GNB4: variants seen among roughly 807,000 people sequenced by gnomAD.
The protein encoded by GNB4 is guanine nucleotide-binding protein subunit beta-4.
GNB4 carries 28 observed loss-of-function variants against 45.2 expected under a neutral mutation model. The ratio of observed to expected loss-of-function variants is 0.62; its 90% CI spans 0.46 to 0.85. The LOEUF (loss-of-function observed/expected upper bound fraction) is 0.85. Ranked by LOEUF, GNB4 falls within the 40% of genes least tolerant of loss-of-function variation. GNB4 has a pLI of 0.00. For missense variants in GNB4, 321 were observed against 425.4 expected, an observed-to-expected ratio of 0.75 and a Z score of 2.16; for synonymous variants, 132 against 143.7, an observed-to-expected ratio of 0.92 and a Z score of 0.58.
chr3:179,439,423 C>T (rs1715542024), intron 1 of GNB4, among the ~76,000 whole-genome samples: 1 of 152,154 alleles, frequency 6.6e-6, no homozygotes, highest in Admixed American at 6.6e-5. Context: ...TCATGCAAAC[C>T]TGCCTCCCAT....
At chr3:179,458,083 T>C in the GNB4 span, among the ~76,000 whole-genome samples, 2 of 152,164 alleles carry the variant, frequency 1.3e-5, no homozygotes, top group Non-Finnish European at 2.9e-5. Flanking sequence ...TTTTGTATTT[T>C]CAGTACAGAC....
Position 179,416,095 on chromosome 3 carries a change from A to C in GNB4, c.267+398T>G, listed in dbSNP as rs555902972. Among the ~76,000 whole-genome samples the C allele has an allele frequency of 1.3e-4, 20 of 152,314 alleles. No individual in the cohort carries two copies. In the East Asian group the frequency reaches 3.7e-3, roughly 28 times the overall value. On this transcript the variant is annotated intron_variant, in intron 5 of 9. Coordinates refer to ENST00000232564, the MANE Select transcript of GNB4 (RefSeq NM_021629.4). ...CTCCAATCTACTGTATCTTCTAAAAAGTCCAGAAGCACAAATCAGTGCCTG... is the reference window on the plus strand; with the variant it reads ...CTCCAATCTACTGTATCTTCTAAAACGTCCAGAAGCACAAATCAGTGCCTG...
rs368370861 is a variant in GNB4, at chr3:179,405,186, T to C, written c.916+4A>G. The C allele has an allele frequency of 1.2e-6, 2 of 1,610,240 alleles. No homozygotes were observed. The highest frequency in any genetic ancestry group is 1.7e-6 in the Non-Finnish European group (2 of 1,177,802). ...CAGAACCTAATGTGGACTTATTTAC[T>C]AACCTGCACGATCTCCTTTTAGCGT... is the stretch of plus-strand genomic sequence containing the variant. On this transcript the variant is annotated splice_donor_region_variant and intron_variant, in intron 9 of 9. Coordinates refer to ENST00000232564, the MANE Select transcript of GNB4 (RefSeq NM_021629.4).
intron 9 of GNB4, among the ~76,000 whole-genome samples, chr3:179,402,612 G>A (rs1714334615): frequency 6.6e-6 from 1 of 152,168 alleles, no homozygotes; most frequent in Non-Finnish European, 1.5e-5. Context: ...TGAGATGAGA[G>A]CAGGCAATGG....
chr3:179,511,215 C>T, the GNB4 span, among the ~76,000 whole-genome samples: 17 of 152,180 alleles, frequency 1.1e-4, no homozygotes, highest in Admixed American at 1.0e-3. Flanking sequence ...AGAACTCATC[C>T]TTTGCCACAC....
chr3:179,509,176 C>T, the GNB4 span, among the ~76,000 whole-genome samples: 279 of 150,594 alleles, frequency 1.9e-3, 2 homozygotes, highest in African/African-American at 6.2e-3. Context: ...CATACACACA[C>T]ACACACACAC....
At chr3:179,405,726 T>C (rs1412544387) in intron 8 of GNB4, 1 of 200,612 alleles carries the variant, frequency 5.0e-6, no homozygotes, top group East Asian at 1.2e-4. Context: ...AATATATATG[T>C]GTGTGTGTGT....
the GNB4 span, among the ~76,000 whole-genome samples, chr3:179,460,181 A>C: frequency 6.6e-6 from 1 of 152,150 alleles, no homozygotes; most frequent in Non-Finnish European, 1.5e-5. Flanking sequence ...GCACTGCTCC[A>C]TCTTACTTTC....
At chr3:179,423,137 A>G (rs1715043251) in intron 2 of GNB4, among the ~76,000 whole-genome samples, 1 of 152,188 alleles carries the variant, frequency 6.6e-6, no homozygotes, top group Admixed American at 6.5e-5. Flanking sequence ...AGAAAAGTAC[A>G]TAGTATTTTA....
At chr3:179,505,249 C>T in the GNB4 span, among the ~76,000 whole-genome samples, 15 of 152,212 alleles carry the variant, frequency 9.9e-5, no homozygotes, top group South Asian at 2.1e-4. Context: ...AAGCTCCAAA[C>T]GTAGATCTGA....
At position 179,450,673 on chromosome 3, in the gene GNB4, A is replaced by G. The variant is rs143142858; in HGVS notation, c.-43+673T>C. On this transcript the variant is annotated intron_variant, in intron 1 of 9. Coordinates refer to ENST00000232564, the MANE Select transcript of GNB4 (RefSeq NM_021629.4). ...CTGGTTTCAAACTTTTGAAAATTCA[A>G]CGTTCCCTTAGCGAATAGCAATACA... Among the ~76,000 whole-genome samples the G allele has an allele frequency of 1.6e-4, 24 of 152,346 alleles. No individual in the cohort carries two copies. The East Asian group carries it at 4.2e-3, about 27-fold the overall frequency.
At chr3:179,412,667 G>A (rs1300751197) in intron 8 of GNB4, among the ~76,000 whole-genome samples, 1 of 152,062 alleles carries the variant, frequency 6.6e-6, no homozygotes, top group Non-Finnish European at 1.5e-5. Flanking sequence ...ACTAAGATTA[G>A]GTCCCGGGTT....
chr3:179,397,461 C>T lies in GNB4; in HGVS notation c.*3752G>A, dbSNP rs1714151851. The T allele has an allele frequency of 6.6e-6, 1 of 152,246 alleles. No homozygotes were observed. Among genetic ancestry groups the T allele is most frequent in the South Asian group, 2.1e-4 (1 of 4,836 alleles). The allele number at this position is 152,246 out of a possible 1,614,324, so 9.4% of individuals were successfully genotyped here. A position where few individuals can be genotyped will look rare whatever the true frequency, so the allele number is the denominator to read the frequency against. ...TAACATATTCTAGAAGCACCTACATCCATTATTTCCAGGAGACTAGTTTAC... is the reference window on the plus strand; with the variant it reads ...TAACATATTCTAGAAGCACCTACATTCATTATTTCCAGGAGACTAGTTTAC... On this transcript the variant is annotated 3_prime_UTR_variant, in exon 10 of 10. Transcript: ENST00000232564.
the GNB4 span, among the ~76,000 whole-genome samples, chr3:179,496,093 T>C: frequency 6.6e-6 from 1 of 152,176 alleles, no homozygotes; most frequent in Admixed American, 6.5e-5. Context: ...TTTTTAACAG[T>C]AGTACAAAGA....
chr3:179,443,433 C>T (rs9853833), intron 1 of GNB4, among the ~76,000 whole-genome samples: 26 of 151,736 alleles, frequency 1.7e-4, no homozygotes, highest in African/African-American at 5.6e-4. Flanking sequence ...CAGCTACTTG[C>T]GAGGCTGAGG....
At chr3:179,498,317 G>A in the GNB4 span, among the ~76,000 whole-genome samples, 1 of 152,242 alleles carries the variant, frequency 6.6e-6, no homozygotes, top group Non-Finnish European at 1.5e-5. Flanking sequence ...GGAATGGTCA[G>A]AGGGAGAAGT....
the GNB4 span, among the ~76,000 whole-genome samples, chr3:179,514,435 G>C: frequency 6.6e-6 from 1 of 152,172 alleles, no homozygotes; most frequent in Non-Finnish European, 1.5e-5. Flanking sequence ...CCTTCTCTGA[G>C]GGCAATGAGA....
chr3:179,489,001 A>T, the GNB4 span, among the ~76,000 whole-genome samples: 327 of 33,588 alleles, frequency 9.7e-3, 15 homozygotes, highest in East Asian at 0.031. Flanking sequence ...AAAAAAAAAA[A>T]AAAAAAAAAA....
the GNB4 span, among the ~76,000 whole-genome samples, chr3:179,462,367 T>A: frequency 6.6e-6 from 1 of 152,184 alleles, no homozygotes; most frequent in African/African-American, 2.4e-5. Context: ...GCTTGAATGA[T>A]AATAGTCTGT....
Sources: gnomAD v4.1 joint callset for allele counts (sites outside exome capture counted in the v4.1 genomes callset) on GRCh38, gnomAD v4.1.1 for gene constraint, MANE v1.5 for transcripts, NCBI Gene and HGNC (gene_info 2026-07-23, HGNC 2026-07-21) for gene names.